The following LTA4H variants were observed in gnomAD, a reference collection of about 807,000 sequenced individuals.
The protein encoded by LTA4H is leukotriene A4 hydrolase, also known as leukotriene A-4 hydrolase.
A neutral mutation model predicts 89.8 loss-of-function variants in LTA4H; 59 were observed. That is an observed-to-expected ratio of 0.66 (90% CI 0.53 to 0.82). The LOEUF is 0.82. Ranked by LOEUF, LTA4H falls within the 40% of genes least tolerant of loss-of-function variation. LTA4H has a pLI of 0.00. For missense variants in LTA4H, 617 were observed against 727.0 expected (o/e 0.85, Z 1.74); for synonymous variants, 227 against 253.1 (o/e 0.90, Z 0.98).
At chr12:96,042,003 T>TTTTTTTTTTTTTTGA (rs1950691476) in intron 1 of LTA4H, among the ~76,000 whole-genome samples, 1 of 86,582 alleles carries the variant, frequency 1.2e-5, no homozygotes, top group Non-Finnish European at 2.4e-5. Flanking sequence ...TTTTTTTTTT[T>TTTTTTTTTTTTTTGA]GACAGGGTCT....
chr12:96,005,479 A>C (rs1950183152), intron 16 of LTA4H, among the ~76,000 whole-genome samples: 1 of 152,168 alleles, frequency 6.6e-6, no homozygotes, highest in Non-Finnish European at 1.5e-5. Context: ...TAGCATTGAG[A>C]GTCATCACAT....
intron 2 of LTA4H, among the ~76,000 whole-genome samples, chr12:96,028,143 T>C (rs2660893): frequency 0.044 from 6,631 of 152,286 alleles, 185 homozygotes; most frequent in Middle Eastern, 0.075. Context: ...TATGACAGAT[T>C]GAAGAGGATA....
In LTA4H at chr12:96,024,527, G is replaced by A; in HGVS notation, c.432C>T (p.Ile144=). 6.2e-7 allele frequency: 1 copy of A among 1,611,540 alleles called. No homozygotes were observed. The highest frequency in any genetic ancestry group is 8.5e-7 in the Non-Finnish European group (1 of 1,177,900). The change falls in exon 4 of 19, where the codon ATC becomes ATT. Residue 144 remains isoleucine, a synonymous_variant. Coordinates refer to ENST00000228740, the MANE Select transcript of LTA4H (RefSeq NM_000895.3). ...CAGAAGGAGTGTCCTGACAAGGAAG[G>A]ATTGCTCTGCAGTGGATGGCCTGAA... ...SQCQAIHCRA[I]LPCQDTPSVK... is the part of the protein sequence containing the mutation.
chr12:96,037,554 G>A (rs1033450687), upstream of LTA4H, among the ~76,000 whole-genome samples: 1 of 152,182 alleles, frequency 6.6e-6, no homozygotes, highest in Non-Finnish European at 1.5e-5. Context: ...TGATTTGGTT[G>A]AAGATGGAAG....
At chr12:96,013,286 C>T (rs762382669) in intron 13 of LTA4H, 28 bp from the exon 14 acceptor site, 1 of 1,505,216 alleles carries the variant, frequency 6.6e-7, no homozygotes, top group East Asian at 2.3e-5. Flanking sequence ...TCACAGTTTA[C>T]AATAGAATGC....
chr12:96,041,984 TTC>T (rs1357100918), intron 1 of LTA4H, among the ~76,000 whole-genome samples: 68 of 115,252 alleles, frequency 5.9e-4, no homozygotes, highest in South Asian at 1.3e-3. Context: ...TTGTTTTTTT[TTC>T]TTTTTTTTTT....
At chr12:96,027,360 C>T in intron 3 of LTA4H, 84 bp downstream of exon 3, 1 of 1,220,526 alleles carries the variant, frequency 8.2e-7, no homozygotes, top group Non-Finnish European at 1.1e-6. Context: ...CTACATAATC[C>T]ATAAAACCAC....
Position 96,015,713 on chromosome 12 carries a change from AAT to A in LTA4H, c.948-21_948-20del. On this transcript the variant is annotated intron_variant, in intron 10 of 18. Transcript: ENST00000228740. ...ATTTAACCTGAAAAAAAAATATTTT[AAT>A]AAAAACACGGACACAGCTGAGAAGA... The A allele has an allele frequency of 1.4e-6, 2 of 1,405,384 alleles. No individual in the cohort carries two copies. The highest frequency in any genetic ancestry group is 2.0e-6 in the Non-Finnish European group (2 of 995,588). The allele number at this position is 1,405,384 out of a possible 1,614,324, so 87.1% of individuals were successfully genotyped here.
intron 1 of LTA4H, among the ~76,000 whole-genome samples, chr12:96,034,216 A>C (rs563456186): frequency 6.6e-6 from 1 of 152,330 alleles, no homozygotes; most frequent in Non-Finnish European, 1.5e-5. Context: ...TACACTGTGT[A>C]AAATACACAT....
chr12:96,021,384 A>G (rs1300234971), intron 5 of LTA4H, among the ~76,000 whole-genome samples: 2 of 152,222 alleles, frequency 1.3e-5, no homozygotes, highest in Admixed American at 6.5e-5. Context: ...AGCTTCTCAC[A>G]CATGAAAAAC....
chr12:96,009,149 C>T lies in LTA4H; in HGVS notation c.1380-1G>A. ...AGCATTTGTCAGAGTCATATCATAA[C>T]TGCAAAGATAAAGATTACATTGTTT... On this transcript the variant is annotated splice_acceptor_variant, in intron 14 of 18. Coordinates refer to ENST00000228740, the MANE Select transcript of LTA4H (RefSeq NM_000895.3). LOFTEE classifies it high-confidence loss of function. The T allele has an allele frequency of 1.3e-6, 2 of 1,597,548 alleles. No homozygotes were observed. The highest frequency in any genetic ancestry group is 1.7e-6 in the Non-Finnish European group (2 of 1,166,444).
intron 18 of LTA4H, among the ~76,000 whole-genome samples, chr12:96,001,618 C>T (rs1451043322): frequency 6.6e-6 from 1 of 151,828 alleles, no homozygotes; most frequent in African/African-American, 2.4e-5. Context: ...TATGAAAACA[C>T]TAAAATTTAT....
intron 15 of LTA4H, 25 bp from the exon 16 acceptor site, chr12:96,006,434 T>C (rs1273334344): frequency 1.4e-6 from 2 of 1,433,758 alleles, no homozygotes; most frequent in Admixed American, 3.5e-5. Flanking sequence ...ACCTAGTTAT[T>C]TTTGTTCAAG....
chr12:96,001,451 G>A (rs899558758), intron 18 of LTA4H, among the ~76,000 whole-genome samples: 6 of 152,142 alleles, frequency 3.9e-5, no homozygotes, highest in African/African-American at 1.2e-4. Context: ...GCTGGGACCC[G>A]TGGCTATTTA....
intron 6 of LTA4H, 120 bp downstream of exon 6, chr12:96,020,965 G>T: frequency 1.3e-6 from 1 of 741,840 alleles, no homozygotes; most frequent in Non-Finnish European, 2.2e-6. Context: ...AATTTTTCTA[G>T]AGCTGTCAGC....
chr12:96,011,590 T>TA (rs1472909574), intron 14 of LTA4H: 2 of 151,964 alleles, frequency 1.3e-5, no homozygotes, highest in Admixed American at 6.6e-5. Flanking sequence ...CTTAATATTT[T>TA]AAAAAAAATA....
In LTA4H at chr12:96,015,643, C is replaced by A. The variant is rs780246997; in HGVS notation, c.999G>T (p.Leu333Phe). The A allele has an allele frequency of 1.2e-6, 2 of 1,614,116 alleles. No homozygotes were observed. The highest frequency in any genetic ancestry group is 2.2e-5 in the South Asian group (2 of 91,082). Reference protein sequence around the residue: ...VYLERHICGRLFGEKFRHFNA... With the variant: ...VYLERHICGRFFGEKFRHFNA... ...TAAAATGTCTGAACTTTTCACCAAACAATCGTCCGCAAATGTGGCGTTCCA... is the reference window on the plus strand; with the variant it reads ...TAAAATGTCTGAACTTTTCACCAAAAAATCGTCCGCAAATGTGGCGTTCCA... Residue 333 changes from leucine to phenylalanine, a missense_variant, in exon 11 of 19, where the codon TTG (leucine) becomes TTT (phenylalanine). This residue lies in a region of LTA4H where 290 missense variants were observed against 339.1 expected (regional missense o/e 0.86). Transcript: ENST00000228740.
chr12:96,030,765 T>C (rs1285131923), intron 1 of LTA4H, among the ~76,000 whole-genome samples: 2 of 152,306 alleles, frequency 1.3e-5, no homozygotes, highest in East Asian at 3.9e-4. Flanking sequence ...AACCAGCCAT[T>C]TCCCAGCTGC....
chr12:96,012,271 G>C (rs958473599), intron 14 of LTA4H: 3 of 152,214 alleles, frequency 2.0e-5, no homozygotes, highest in Admixed American at 6.5e-5. Flanking sequence ...CCTGTTTAGT[G>C]TAAGAGAAGC....
Sources: allele counts gnomAD v4.1 joint callset (sites outside exome capture counted in the v4.1 genomes callset), GRCh38; gene constraint gnomAD v4.1.1; regional missense constraint gnomAD v4.1.1; transcripts MANE v1.5; gene names NCBI Gene and HGNC (gene_info 2026-07-23, HGNC 2026-07-21).